The following CPQ variants were observed in gnomAD, a reference collection of about 807,000 sequenced individuals.
The protein encoded by CPQ is carboxypeptidase Q, also known as Ser-Met dipeptidase.
In CPQ, 37 loss-of-function variants were observed where a neutral mutation model predicts 45.7. That is an observed-to-expected ratio of 0.81 (90% CI 0.62 to 1.07). The LOEUF is 1.07. CPQ is among the 50% of genes least tolerant of loss of function. CPQ has a pLI of 0.00. For missense variants in CPQ, 537 were observed against 572.9 expected (o/e 0.94, Z 0.64); for synonymous variants, 186 against 205.8 (o/e 0.90, Z 0.82).
intron 4 of CPQ, among the ~76,000 whole-genome samples, chr8:96,925,793 G>A (rs1461952989): frequency 6.6e-6 from 1 of 151,814 alleles, no homozygotes; most frequent in African/African-American, 2.4e-5. Context: ...GGGTTCAAGT[G>A]ATTCCCCTGC....
At chr8:96,833,316 C>CA (rs1227680819) in intron 2 of CPQ, among the ~76,000 whole-genome samples, 15 of 151,668 alleles carry the variant, frequency 9.9e-5, no homozygotes, top group Non-Finnish European at 1.9e-4. Flanking sequence ...CAAAACAAAA[C>CA]AAAAAAAAAC....
chr8:96,693,269 G>GGA (rs1236396697), intron 1 of CPQ, among the ~76,000 whole-genome samples: 1 of 151,052 alleles, frequency 6.6e-6, no homozygotes, highest in Non-Finnish European at 1.5e-5. Flanking sequence ...GGGGAGAGAG[G>GGA]GAGAGAGAGA....
At chr8:96,789,121 A>G (rs547846204) in intron 2 of CPQ, among the ~76,000 whole-genome samples, 118 of 152,070 alleles carry the variant, frequency 7.8e-4, no homozygotes, top group African/African-American at 2.8e-3. Flanking sequence ...AGTGTTTGCT[A>G]TATCCTACAT....
intron 3 of CPQ, among the ~76,000 whole-genome samples, chr8:96,845,487 C>T (rs1174707727): frequency 6.6e-6 from 1 of 152,050 alleles, no homozygotes; most frequent in Non-Finnish European, 1.5e-5. Context: ...TTTCTGAAGC[C>T]ACATTCTAAA....
intron 5 of CPQ, among the ~76,000 whole-genome samples, chr8:96,989,500 G>A (rs1245001050): frequency 6.7e-6 from 1 of 149,700 alleles, no homozygotes; most frequent in Admixed American, 6.6e-5. Context: ...GTGGAGGAGA[G>A]GAGAGGAGAG....
chr8:96,948,687 G>C (rs1813220900), intron 4 of CPQ, among the ~76,000 whole-genome samples: 1 of 152,012 alleles, frequency 6.6e-6, no homozygotes, highest in Non-Finnish European at 1.5e-5. Context: ...CATGTCCTCT[G>C]TTTCCTTACT....
chr8:96,821,823 T>G (rs769411308), intron 2 of CPQ, among the ~76,000 whole-genome samples: 6 of 152,000 alleles, frequency 3.9e-5, no homozygotes, highest in Non-Finnish European at 8.8e-5. Flanking sequence ...TGATTTGTAC[T>G]GTACAAGTGT....
At chr8:97,014,430 C>T (rs1809543710) in intron 5 of CPQ, among the ~76,000 whole-genome samples, 1 of 151,982 alleles carries the variant, frequency 6.6e-6, no homozygotes, top group African/African-American at 2.4e-5. Context: ...GCGGGCAGAT[C>T]ACTTGAGGTC....
intron 4 of CPQ, among the ~76,000 whole-genome samples, chr8:96,959,244 G>A (rs1018404111): frequency 6.6e-6 from 1 of 152,116 alleles, no homozygotes; most frequent in Admixed American, 6.6e-5. Flanking sequence ...GAAAAGAGGT[G>A]CTCAGGGAAA....
intron 1 of CPQ, among the ~76,000 whole-genome samples, chr8:96,779,811 G>A (rs187612526): frequency 6.6e-6 from 1 of 152,086 alleles, no homozygotes; most frequent in African/African-American, 2.4e-5. Context: ...TTGCAATCTG[G>A]TGAAATTTTT....
Position 96,835,174 on chromosome 8 carries a change from T to C in CPQ, c.635T>C (p.Ile212Thr). 1 of 1,479,306 alleles carries C rather than the reference T, an allele frequency of 6.8e-7. No homozygotes were observed. Among genetic ancestry groups the C allele is most frequent in the Non-Finnish European group, 9.0e-7 (1 of 1,108,596 alleles). The allele number at this position is 1,479,306 out of a possible 1,614,324, so 91.6% of individuals were successfully genotyped here. The change falls in exon 3 of 8, where the codon ATC becomes ACC. Residue 212 changes from isoleucine to threonine, a missense_variant. Ile to Thr is a moderately conservative substitution (Grantham distance 89). Transcript: ENST00000220763. ...SLIRSVASFS[I>T]YSPHTGIQEY... ...ATTCGATCCGTGGCCTCCTTCTCCA[T>C]CTACAGGTTTGTCACAATGTTCATT...
intron 6 of CPQ, among the ~76,000 whole-genome samples, chr8:97,061,242 A>C (rs1431593365): frequency 6.6e-6 from 1 of 152,082 alleles, no homozygotes; most frequent in African/African-American, 2.4e-5. Flanking sequence ...TTGGAAGCAA[A>C]TTGTGGAGCA....
intron 7 of CPQ, among the ~76,000 whole-genome samples, chr8:97,083,418 C>T (rs1810990349): frequency 6.6e-6 from 1 of 152,052 alleles, no homozygotes; most frequent in South Asian, 2.1e-4. Context: ...TTTGTGGTTA[C>T]AAAAAAGAGT....
At chr8:97,042,596 C>G (rs994300447) in intron 6 of CPQ, among the ~76,000 whole-genome samples, 1 of 151,400 alleles carries the variant, frequency 6.6e-6, no homozygotes, top group South Asian at 2.1e-4. Context: ...AATTTTGGAT[C>G]TTTCCTGCTT....
chr8:96,995,962 G>A (rs775372855), intron 5 of CPQ, among the ~76,000 whole-genome samples: 43 of 151,932 alleles, frequency 2.8e-4, no homozygotes, highest in Non-Finnish European at 5.4e-4. Context: ...ACTTTAAAGG[G>A]CAGAGGAAAA....
At chr8:96,778,661 A>C (rs908935811) in intron 1 of CPQ, among the ~76,000 whole-genome samples, 3 of 152,164 alleles carry the variant, frequency 2.0e-5, no homozygotes, top group Non-Finnish European at 2.9e-5. Context: ...AATACAGTCT[A>C]GTTAAGGTAT....
chr8:96,707,954 G>A (rs891813067), intron 1 of CPQ, among the ~76,000 whole-genome samples: 4 of 152,140 alleles, frequency 2.6e-5, no homozygotes, highest in African/African-American at 9.7e-5. Flanking sequence ...TGACACTCAA[G>A]TTAGAAATCT....
At chr8:96,946,575 C>T (rs1223457729) in intron 4 of CPQ, among the ~76,000 whole-genome samples, 3 of 150,526 alleles carry the variant, frequency 2.0e-5, no homozygotes, top group South Asian at 2.1e-4. Flanking sequence ...TCTCCCAATG[C>T]TATCCCTCCC....
In CPQ at chr8:96,722,505, T is replaced by C. The variant is rs556189364; in HGVS notation, c.-34-62359T>C. On this transcript the variant is annotated intron_variant, in intron 1 of 7. Transcript: ENST00000220763. ...GTAGTTAGGATAGAGACATATGACC[T>C]AAAATATTTACTTTCTAGTCCTTTA... Among the ~76,000 whole-genome samples the C allele has an allele frequency of 5.9e-5, 9 of 152,302 alleles. No homozygotes were observed. The East Asian group carries it at 9.6e-4, about 16-fold the overall frequency.
Sources: allele counts gnomAD v4.1 joint callset (sites outside exome capture counted in the v4.1 genomes callset), GRCh38; gene constraint gnomAD v4.1.1; transcripts MANE v1.5; gene names NCBI Gene and HGNC (gene_info 2026-07-23, HGNC 2026-07-21).